The following NFIB variants were observed in gnomAD, a reference collection of about 807,000 sequenced individuals.
NFIB encodes the protein nuclear factor 1 B-type.
Under a neutral mutation model 61.5 loss-of-function variants are expected in NFIB, and 11 were observed. The observed-to-expected ratio is 0.18, with a 90% confidence interval of 0.11 to 0.30. The LOEUF (loss-of-function observed/expected upper bound fraction) is 0.30, where lower values mean the gene tolerates loss of function less well. Ranked by LOEUF, NFIB falls within the 10% of genes least tolerant of loss-of-function variation. NFIB has a pLI of 1.00. For missense variants in NFIB, 471 were observed against 608.9 expected, an observed-to-expected ratio of 0.77 and a Z score of 2.38; for synonymous variants, 260 against 216.5, an observed-to-expected ratio of 1.20 and a Z score of -1.76.
At chr9:14,348,844 T>A (rs1371784418) in intron 1 of NFIB, among the ~76,000 whole-genome samples, 1 of 152,190 alleles carries the variant, frequency 6.6e-6, no homozygotes, top group Non-Finnish European at 1.5e-5. Flanking sequence ...GGGCCCAAAC[T>A]CGGCACGATT....
chr9:14,279,051 T>C (rs2058194485), intron 2 of NFIB, among the ~76,000 whole-genome samples: 2 of 152,142 alleles, frequency 1.3e-5, no homozygotes, highest in South Asian at 4.1e-4. Context: ...GAAAAATATA[T>C]GCATACACAC....
intron 1 of NFIB, among the ~76,000 whole-genome samples, chr9:14,323,920 A>C (rs978834884): frequency 2.0e-5 from 3 of 152,240 alleles, no homozygotes; most frequent in African/African-American, 7.2e-5. Flanking sequence ...TGCAAAACTA[A>C]AAGTGGGATT....
chr9:14,174,629 C>T (rs2045942370), intron 3 of NFIB, among the ~76,000 whole-genome samples: 1 of 151,650 alleles, frequency 6.6e-6, no homozygotes, highest in South Asian at 2.1e-4. Flanking sequence ...TAGCCAGGCA[C>T]GGTAGCAGGC....
At chr9:14,186,806 T>A (rs2047378162) in intron 2 of NFIB, among the ~76,000 whole-genome samples, 1 of 152,158 alleles carries the variant, frequency 6.6e-6, no homozygotes, top group Non-Finnish European at 1.5e-5. Flanking sequence ...CAGCTTCAGT[T>A]TTAATGGAAG....
chr9:14,405,675 G>A, the NFIB span, among the ~76,000 whole-genome samples: 4 of 152,188 alleles, frequency 2.6e-5, no homozygotes, highest in African/African-American at 9.7e-5. Context: ...GAAATGGAAT[G>A]TCAGAAACTA....
the NFIB span, among the ~76,000 whole-genome samples, chr9:14,419,192 A>G: frequency 6.6e-6 from 1 of 152,046 alleles, no homozygotes; most frequent in Non-Finnish European, 1.5e-5. Context: ...TTGCTATGGA[A>G]AAAATCCTTT....
intron 2 of NFIB, among the ~76,000 whole-genome samples, chr9:14,267,148 A>G (rs1437706252): frequency 6.6e-6 from 1 of 152,230 alleles, no homozygotes; most frequent in Non-Finnish European, 1.5e-5. Flanking sequence ...GGGATTTTTC[A>G]GAGAAATATA....
intron 1 of NFIB, among the ~76,000 whole-genome samples, chr9:14,347,683 G>C (rs1454702643): frequency 6.6e-6 from 1 of 152,154 alleles, no homozygotes; most frequent in Non-Finnish European, 1.5e-5. Flanking sequence ...AGAGGCACTG[G>C]GGGGTCGGGT....
At chr9:14,130,797 G>A (rs140021155) in intron 6 of NFIB, among the ~76,000 whole-genome samples, 120 of 152,290 alleles carry the variant, frequency 7.9e-4, no homozygotes, top group African/African-American at 2.7e-3. Context: ...ATGACTAGTA[G>A]TGCAGGATGA....
Position 14,276,307 on chromosome 9 carries a change from C to A in NFIB, c.562+30682G>T, listed in dbSNP as rs182449294. Among the ~76,000 whole-genome samples, 22 of 152,244 alleles carry A rather than the reference C, an allele frequency of 1.4e-4. 1 individual carries two copies. The highest frequency in any genetic ancestry group is 1.4e-3 in the Admixed American group (21 of 15,288). Reference sequence around the variant, plus strand: ...CTCAATTGTAAAATGGAAACAATATCTTATCCAATTGAAATAAATATTAAA... The same window carrying A: ...CTCAATTGTAAAATGGAAACAATATATTATCCAATTGAAATAAATATTAAA... On this transcript the variant is annotated intron_variant, in intron 2 of 10. Transcript: ENST00000380953.
chr9:14,346,777 T>C (rs2132893111), intron 1 of NFIB, among the ~76,000 whole-genome samples: 1 of 152,294 alleles, frequency 6.6e-6, no homozygotes, highest in Admixed American at 6.5e-5. Context: ...TTATAGAACC[T>C]TGAGGGGGGG....
the NFIB span, among the ~76,000 whole-genome samples, chr9:14,432,107 C>A: frequency 6.6e-6 from 1 of 152,162 alleles, no homozygotes; most frequent in Admixed American, 6.5e-5. Context: ...TATCTCTCCC[C>A]ATGTACACAG....
chr9:14,509,927 C>G, the NFIB span, among the ~76,000 whole-genome samples: 1 of 152,158 alleles, frequency 6.6e-6, no homozygotes. Context: ...GACAGAGTCT[C>G]GCTCTGTCGC....
At chr9:14,349,402 T>C (rs899654056) in intron 1 of NFIB, among the ~76,000 whole-genome samples, 1 of 152,056 alleles carries the variant, frequency 6.6e-6, no homozygotes, top group South Asian at 2.1e-4. Flanking sequence ...TGTGGAAGCG[T>C]AGACTGGGTT....
At chr9:14,529,274 G>C in the NFIB span, among the ~76,000 whole-genome samples, 4 of 152,202 alleles carry the variant, frequency 2.6e-5, no homozygotes, top group South Asian at 8.3e-4. Flanking sequence ...CACAATAAGA[G>C]AATCTAACTG....
intron 1 of NFIB, chr9:14,357,476 C>G (rs1384556639): frequency 2.6e-5 from 4 of 152,184 alleles, no homozygotes; most frequent in Admixed American, 2.6e-4. Flanking sequence ...CCAACTTTTT[C>G]CTGATAGACA....
At chr9:14,139,013 T>A (rs1351110431) in intron 6 of NFIB, among the ~76,000 whole-genome samples, 1 of 152,124 alleles carries the variant, frequency 6.6e-6, no homozygotes, top group African/African-American at 2.4e-5. Flanking sequence ...TCTAGTTCTG[T>A]TAGGTCTAAC....
chr9:14,227,218 C>T (rs569635162), intron 2 of NFIB, among the ~76,000 whole-genome samples: 6 of 151,398 alleles, frequency 4.0e-5, no homozygotes, highest in African/African-American at 7.3e-5. Context: ...AAAACTACTA[C>T]CAATTTTAAA....
the NFIB span, among the ~76,000 whole-genome samples, chr9:14,439,137 G>A: frequency 7.9e-5 from 12 of 152,166 alleles, no homozygotes; most frequent in African/African-American, 1.9e-4. Flanking sequence ...TTGGGAGGCC[G>A]AGACAAGAGG....
Sources: allele counts gnomAD v4.1 joint callset (sites outside exome capture counted in the v4.1 genomes callset), GRCh38; gene constraint gnomAD v4.1.1; transcripts MANE v1.5; gene names NCBI Gene and HGNC (gene_info 2026-07-23, HGNC 2026-07-21).